The following RNASEH2B variants were observed in gnomAD, a reference collection of about 807,000 sequenced individuals.
The protein encoded by RNASEH2B is Aicardi-Goutieres syndrome 2 protein.
Under a neutral mutation model 45.0 loss-of-function variants are expected in RNASEH2B, and 36 were observed. The observed-to-expected ratio is 0.80, with a 90% CI of 0.61 to 1.06. RNASEH2B has a LOEUF of 1.06. RNASEH2B is among the 50% of genes least tolerant of loss of function. The probability of loss-of-function intolerance (pLI) is 0.00; values close to 1 mark genes in which losing one functional copy is unlikely to be tolerated. For synonymous variants in RNASEH2B, 119 were observed against 125.7 expected (o/e 0.95, Z 0.35); for missense variants, 361 against 360.3 (o/e 1.00, Z -0.02).
chr13:50,948,244 A>T, intron 8 of RNASEH2B, 176 bp downstream of exon 8: 1 of 990,904 alleles, frequency 1.0e-6, no homozygotes, highest in Non-Finnish European at 1.4e-6. Flanking sequence ...GAATGAACTG[A>T]TTTGATGGAT....
intron 9 of RNASEH2B, chr13:50,951,368 G>C (rs896586323): frequency 2.6e-5 from 4 of 152,142 alleles, no homozygotes; most frequent in African/African-American, 9.7e-5. Flanking sequence ...GTAGTCATTA[G>C]GTATCTTTGT....
rs1005355477 is a variant in RNASEH2B, at chr13:50,915,245, C to T, written c.64+5105C>T. On this transcript the variant is annotated intron_variant, in intron 1 of 10. Transcript: ENST00000336617. ...TATTCTGCTTTTTCCTCCCCTTCTA[C>T]TTCTATCCAAATTCTACCCTTTCCT... 3 of 395,410 alleles carry T rather than the reference C, an allele frequency of 7.6e-6. No individual in the cohort carries two copies. In the Admixed American group the frequency reaches 1.3e-4, roughly 17 times the overall value. The allele number at this position is 395,410 out of a possible 1,614,324, so 24.5% of individuals were successfully genotyped here.
intron 6 of RNASEH2B, among the ~76,000 whole-genome samples, chr13:50,943,721 A>G (rs554526692): frequency 6.6e-6 from 1 of 152,316 alleles, no homozygotes; most frequent in East Asian, 1.9e-4. Context: ...GGCCACTGTC[A>G]GTCCTGCAGG....
intron 1 of RNASEH2B, among the ~76,000 whole-genome samples, chr13:50,924,136 C>G (rs2137913619): frequency 6.6e-6 from 1 of 152,136 alleles, no homozygotes; most frequent in Non-Finnish European, 1.5e-5. Flanking sequence ...ATACAGAAAA[C>G]AGAGCTAAAT....
At chr13:50,960,239 T>A, downstream of RNASEH2B, 1 of 628,398 alleles carries the variant, frequency 1.6e-6, no homozygotes, top group Non-Finnish European at 2.3e-6. Context: ...AATGGAAAAA[T>A]TTTCCATTTT....
In RNASEH2B at chr13:50,956,449, A is replaced by G; in HGVS notation, c.914A>G (p.Asn305Ser). Residue 305 changes from asparagine to serine, a missense_variant, in exon 11 of 11, where the codon AAT becomes AGT. Physicochemically the swap from Asn to Ser is conservative, Grantham distance 46 (BLOSUM62 1). Transcript: ENST00000336617. ...KSIDTFFGVK[N>S]KKKIGKV ...ATTGATACCTTTTTTGGGGTAAAAAATAAAAAAAAAATTGGAAAGGTTTGA... is the reference window on the plus strand; with the variant it reads ...ATTGATACCTTTTTTGGGGTAAAAAGTAAAAAAAAAATTGGAAAGGTTTGA... 1 of 1,596,448 alleles carries G rather than the reference A, an allele frequency of 6.3e-7. No homozygotes were observed. The highest frequency in any genetic ancestry group is 8.6e-7 in the Non-Finnish European group (1 of 1,168,562).
intron 9 of RNASEH2B, among the ~76,000 whole-genome samples, chr13:50,963,409 C>A (rs919784862): frequency 1.3e-5 from 2 of 152,262 alleles, no homozygotes; most frequent in Non-Finnish European, 2.9e-5. Context: ...GGTGATCCGC[C>A]CACCTCAGCC....
Position 50,945,505 on chromosome 13 carries a change from G to A in RNASEH2B, c.589G>A (p.Gly197Ser), listed in dbSNP as rs745471919. ...GGTACAGTCAACTGCATTTTTCTCT[G>A]GTGACCAAGCTTCCACTGACAAGGA... ...SRVQSTAFFS[G>S]DQASTDKEED... The change falls in exon 7 of 11, where the codon GGT becomes AGT. Residue 197 changes from glycine (G) to serine (S), a missense_variant. By Grantham distance (56) the Gly-to-Ser change is moderately conservative. Coordinates refer to ENST00000336617, the MANE Select transcript of RNASEH2B (RefSeq NM_024570.4). 6.2e-7 allele frequency: 1 copy of A among 1,613,358 alleles called. No homozygotes were observed. The highest frequency in any genetic ancestry group is 1.7e-5 in the Admixed American group (1 of 60,018).
chr13:50,967,770 C>T (rs917413215), intron 9 of RNASEH2B, among the ~76,000 whole-genome samples: 4 of 152,162 alleles, frequency 2.6e-5, no homozygotes, highest in Non-Finnish European at 5.9e-5. Context: ...TGACTAGCTG[C>T]CTTGTATTAC....
chr13:50,929,414 GT>G, intron 2 of RNASEH2B, 60 bp from the exon 3 acceptor site: 1 of 969,858 alleles, frequency 1.0e-6, no homozygotes, highest in Non-Finnish European at 1.7e-6. Context: ...CTTTTGGGGT[GT>G]GTGTGTGTTT....
At chr13:50,963,415 C>T (rs1429949160) in intron 9 of RNASEH2B, among the ~76,000 whole-genome samples, 1 of 152,126 alleles carries the variant, frequency 6.6e-6, no homozygotes, top group Admixed American at 6.5e-5. Flanking sequence ...CCGCCCACCT[C>T]AGCCTCCCAA....
intron 5 of RNASEH2B, chr13:50,935,416 AC>A (rs1232041933): frequency 9.9e-5 from 22 of 221,550 alleles, no homozygotes; most frequent in African/African-American, 4.1e-4. Flanking sequence ...AGCTCTAGAT[AC>A]TTATGAATAA....
At chr13:50,960,398 T>C (rs1952100014), downstream of RNASEH2B, among the ~76,000 whole-genome samples, 1 of 152,158 alleles carries the variant, frequency 6.6e-6, no homozygotes, top group Admixed American at 6.5e-5. Flanking sequence ...TAAAGAGTAA[T>C]AATAGCCGTC....
In RNASEH2B at chr13:50,928,781, G is replaced by A. The variant is rs143402703; in HGVS notation, c.137-694G>A. The stretch of plus-strand genomic sequence containing the variant: ...GAAGGTTTATGTAACTTCTCCAAGG[G>A]CACGTGCCCAGCATATGGTGGAGAT... On this transcript the variant is annotated intron_variant, in intron 2 of 10. Coordinates refer to ENST00000336617, the MANE Select transcript of RNASEH2B (RefSeq NM_024570.4). 9.9e-4 allele frequency among the ~76,000 whole-genome samples: 150 copies of A among 152,170 alleles called. 1 individual carries two copies. The highest frequency in any genetic ancestry group is 3.1e-3 in the African/African-American group (127 of 41,512).
intron 6 of RNASEH2B, among the ~76,000 whole-genome samples, chr13:50,944,316 T>C (rs987024950): frequency 6.6e-6 from 1 of 152,216 alleles, no homozygotes; most frequent in Non-Finnish European, 1.5e-5. Flanking sequence ...GTAGTTGTAG[T>C]ACTGTTTCCT....
At chr13:50,925,026 A>G (rs1370596618) in intron 1 of RNASEH2B, among the ~76,000 whole-genome samples, 2 of 151,980 alleles carry the variant, frequency 1.3e-5, no homozygotes, top group African/African-American at 4.8e-5. Context: ...TGGAAACTCC[A>G]GTTATACATA....
At chr13:50,962,834 G>A (rs1271663537) in intron 9 of RNASEH2B, among the ~76,000 whole-genome samples, 2 of 152,056 alleles carry the variant, frequency 1.3e-5, no homozygotes, top group Non-Finnish European at 2.9e-5. Flanking sequence ...ATTTGGGAGT[G>A]TATTAAGCTC....
chr13:50,932,830 GTAAAT>G (rs535590763), intron 4 of RNASEH2B, among the ~76,000 whole-genome samples: 37 of 152,274 alleles, frequency 2.4e-4, no homozygotes, highest in African/African-American at 8.7e-4. Flanking sequence ...CATTTGGTAG[GTAAAT>G]TAATTTAAGT....
intron 1 of RNASEH2B, chr13:50,912,589 CAGA>C (rs1879484396): frequency 6.6e-6 from 1 of 152,190 alleles, no homozygotes; most frequent in South Asian, 2.1e-4. Context: ...TCGTCTTTTC[CAGA>C]AGATGAGAAA....
Sources: gnomAD v4.1 joint callset for allele counts (sites outside exome capture counted in the v4.1 genomes callset) on GRCh38, gnomAD v4.1.1 for gene constraint, MANE v1.5 for transcripts, NCBI Gene and HGNC (gene_info 2026-07-23, HGNC 2026-07-21) for gene names.